CACHD1: variants seen among roughly 807,000 people sequenced by gnomAD.
CACHD1 encodes cache domain containing 1, also known as VWFA and cache domain-containing protein 1.
In CACHD1, 71 loss-of-function variants were observed where a neutral mutation model predicts 138.7. That is an observed-to-expected ratio of 0.51 (90% CI 0.42 to 0.62). The LOEUF is 0.62. CACHD1 is among the 20% of genes least tolerant of loss of function. The pLI, the probability that CACHD1 is intolerant of heterozygous loss-of-function variation, is 0.00. For synonymous variants in CACHD1, 578 were observed against 591.5 expected (o/e 0.98, Z 0.33); for missense variants, 1,389 against 1,625.3 (o/e 0.85, Z 2.50).
chr1:64,564,919 A>G (rs1646869843), intron 2 of CACHD1, among the ~76,000 whole-genome samples: 2 of 152,042 alleles, frequency 1.3e-5, no homozygotes, highest in Admixed American at 6.6e-5. Context: ...AAGAAAAGGG[A>G]CAATGGTTAG....
At chr1:64,531,527 G>GTGTT (rs1553130071) in intron 1 of CACHD1, among the ~76,000 whole-genome samples, 8 of 131,182 alleles carry the variant, frequency 6.1e-5, no homozygotes, top group Non-Finnish European at 1.2e-4. Context: ...GTGTGTGTGT[G>GTGTT]TGTCTGTGTA....
intron 3 of CACHD1, among the ~76,000 whole-genome samples, chr1:64,601,184 G>T (rs1051324785): frequency 6.6e-6 from 1 of 152,152 alleles, no homozygotes; most frequent in Non-Finnish European, 1.5e-5. Flanking sequence ...CACTACAATG[G>T]CAGAGCAGTT....
At chr1:64,498,670 G>T (rs546135782) in intron 1 of CACHD1, among the ~76,000 whole-genome samples, 1 of 152,296 alleles carries the variant, frequency 6.6e-6, no homozygotes, top group Non-Finnish European at 1.5e-5. Flanking sequence ...CCAGCTTCTT[G>T]GTTTTCAAGT....
intron 13 of CACHD1, among the ~76,000 whole-genome samples, chr1:64,660,075 GT>G (rs1381447280): frequency 6.6e-6 from 1 of 152,088 alleles, no homozygotes; most frequent in Non-Finnish European, 1.5e-5. Context: ...TTTTGATTTG[GT>G]CTTTGGGGTT....
intron 2 of CACHD1, among the ~76,000 whole-genome samples, chr1:64,561,855 C>A (rs1235713844): frequency 5.3e-5 from 3 of 56,678 alleles, no homozygotes; most frequent in Non-Finnish European, 1.5e-4. Context: ...AAGACACTGT[C>A]TCCAAAAAAA....
chr1:64,473,389 C>G (rs1473084554), intron 1 of CACHD1, among the ~76,000 whole-genome samples: 1 of 152,066 alleles, frequency 6.6e-6, no homozygotes, highest in Non-Finnish European at 1.5e-5. Flanking sequence ...CCCACATTCT[C>G]ATCTGTAAAC....
At chr1:64,475,246 A>G (rs943732658) in intron 1 of CACHD1, among the ~76,000 whole-genome samples, 3 of 133,106 alleles carry the variant, frequency 2.3e-5, no homozygotes, top group Non-Finnish European at 4.7e-5. Context: ...TGATGTGATC[A>G]TAGTTCACTG....
intron 4 of CACHD1, among the ~76,000 whole-genome samples, chr1:64,605,444 T>A (rs980918581): frequency 1.4e-4 from 21 of 152,298 alleles, no homozygotes; most frequent in Admixed American, 1.4e-3. Context: ...TTGCTGTTTT[T>A]ATAATCAGGG....
chr1:64,606,645 C>A (rs1424385752), intron 4 of CACHD1, among the ~76,000 whole-genome samples: 2 of 152,126 alleles, frequency 1.3e-5, no homozygotes, highest in African/African-American at 2.4e-5. Flanking sequence ...CTAGACTGGA[C>A]AAGGCAAAGG....
chr1:64,643,529 T>C (rs903405639), intron 8 of CACHD1, among the ~76,000 whole-genome samples: 1 of 152,198 alleles, frequency 6.6e-6, no homozygotes, highest in Non-Finnish European at 1.5e-5. Flanking sequence ...CTTAATGTAG[T>C]ACCTGGTAAA....
chr1:64,477,970 A>G (rs1451970146), intron 1 of CACHD1, among the ~76,000 whole-genome samples: 1 of 152,188 alleles, frequency 6.6e-6, no homozygotes, highest in African/African-American at 2.4e-5. Context: ...CAAATATCAC[A>G]TAATTTCATC....
At chr1:64,540,064 G>T (rs560024807) in intron 1 of CACHD1, among the ~76,000 whole-genome samples, 2 of 152,110 alleles carry the variant, frequency 1.3e-5, no homozygotes, top group African/African-American at 4.8e-5. Flanking sequence ...GATTGATTGC[G>T]TGAGACAGTA....
At position 64,671,666 on chromosome 1, in the gene CACHD1, A is replaced by T. The variant is rs766438486; in HGVS notation, c.2490A>T (p.Gln830His). The T allele has an allele frequency of 1.2e-6, 2 of 1,614,086 alleles. No homozygotes were observed. The highest frequency in any genetic ancestry group is 4.5e-5 in the East Asian group (2 of 44,866). The change falls in exon 17 of 27, where the codon CAA (glutamine) becomes CAT (histidine). Residue 830 changes from glutamine (Q) to histidine (H), a missense_variant. Gln to His is a conservative substitution (Grantham distance 24, BLOSUM62 0). Coordinates refer to ENST00000651257, the MANE Select transcript of CACHD1 (RefSeq NM_020925.4). Reference protein sequence around the residue: ...VLMDLLPVCNQDGGNKIRCFI... With the variant: ...VLMDLLPVCNHDGGNKIRCFI... ...TGGACCTATTACCTGTCTGTAACCA[A>T]GATGGTGGCAACAAAATAAGGTAAG...
chr1:64,539,751 T>C (rs1646663075), intron 1 of CACHD1, among the ~76,000 whole-genome samples: 2 of 152,208 alleles, frequency 1.3e-5, no homozygotes. Context: ...ATTTTCTTTA[T>C]GAATGTATAC....
intron 4 of CACHD1, among the ~76,000 whole-genome samples, chr1:64,625,404 A>G (rs1648061225): frequency 6.6e-6 from 1 of 152,164 alleles, no homozygotes; most frequent in Non-Finnish European, 1.5e-5. Context: ...AGGCAGGCGG[A>G]TCACTTGAAG....
intron 1 of CACHD1, among the ~76,000 whole-genome samples, chr1:64,490,695 G>T (rs1337821465): frequency 6.6e-6 from 1 of 152,204 alleles, no homozygotes; most frequent in East Asian, 1.9e-4. Context: ...AAGGAGTCGT[G>T]CAAAGGCAGA....
intron 17 of CACHD1, among the ~76,000 whole-genome samples, chr1:64,672,614 G>A (rs1649852825): frequency 6.6e-6 from 1 of 152,144 alleles, no homozygotes; most frequent in Admixed American, 6.5e-5. Context: ...GTAAGGTTCA[G>A]TACTATCATC....
Position 64,691,841 on chromosome 1 carries a change from C to T in CACHD1, c.*280C>T. On this transcript the variant is annotated 3_prime_UTR_variant, in exon 27 of 27. Coordinates refer to ENST00000651257, the MANE Select transcript of CACHD1 (RefSeq NM_020925.4). ...TAATGGAAGGTAACAGAAGGCGAACCTCCAAACACAGAGACGGAACCTGCA... is the reference window on the plus strand; with the variant it reads ...TAATGGAAGGTAACAGAAGGCGAACTTCCAAACACAGAGACGGAACCTGCA... The T allele has an allele frequency of 2.4e-6, 1 of 418,998 alleles. No homozygotes were observed. Among genetic ancestry groups the T allele is most frequent in the Non-Finnish European group, 4.4e-6 (1 of 227,288 alleles). 26.0% of individuals were successfully genotyped at this position (418,998 alleles called of 1,614,324 possible). A position where few individuals can be genotyped will look rare whatever the true frequency, so the allele number is the denominator to read the frequency against.
In CACHD1 at chr1:64,634,174, C is replaced by G; in HGVS notation, c.920C>G (p.Ser307Ter). 4.3e-6 allele frequency: 7 copies of G among 1,614,012 alleles called. No homozygotes were observed. The highest frequency in any genetic ancestry group is 5.9e-6 in the Non-Finnish European group (7 of 1,179,990). Residue 307 changes from serine to a stop codon, truncating the protein, a stop_gained, in exon 7 of 27, where the codon TCA (serine) becomes TGA (stop). Transcript: ENST00000651257. LOFTEE classifies it high-confidence loss of function. ...ACCTTTGTTAGCAGCGTGAAGTCTT[C>G]AGACAGTCCTACCCAGCACGCAGTG... Reference protein sequence around the residue: ...MSTFVSSVKSSDSPTQHAVGF... With the variant: ...MSTFVSSVKS
Sources: allele counts gnomAD v4.1 joint callset (sites outside exome capture counted in the v4.1 genomes callset), GRCh38; gene constraint gnomAD v4.1.1; transcripts MANE v1.5; gene names NCBI Gene and HGNC (gene_info 2026-07-23, HGNC 2026-07-21).